The following MMS19 variants were observed in gnomAD, a reference collection of about 807,000 sequenced individuals.
The protein encoded by MMS19 is MMS19 nucleotide excision repair protein homolog.
MMS19 carries 77 observed loss-of-function variants against 129.8 expected under a neutral mutation model. The ratio of observed to expected loss-of-function variants is 0.59; its 90% CI spans 0.49 to 0.72. The LOEUF (loss-of-function observed/expected upper bound fraction) is 0.72, where lower values mean the gene tolerates loss of function less well. Ranked by LOEUF, MMS19 falls within the 30% of genes least tolerant of loss-of-function variation. MMS19 has a pLI of 0.00. For synonymous variants in MMS19, 491 were observed against 502.8 expected (o/e 0.98, Z 0.31); for missense variants, 1,168 against 1,266.3 (o/e 0.92, Z 1.18).
rs558496712 is a variant in MMS19 at position 97,479,196 on chromosome 10, C to T, written c.263-807G>A. Among the ~76,000 whole-genome samples, 10 of 152,264 alleles carry T rather than the reference C, an allele frequency of 6.6e-5. No individual in the cohort carries two copies. In the East Asian group the frequency reaches 1.9e-3, roughly 29 times the overall value. On this transcript the variant is annotated intron_variant, in intron 3 of 30. Transcript: ENST00000438925. ...CTACTTAAAACCACTTCATGTGTGT[C>T]GGTGTCGTTTTATCTAAACCAGCAT... is the stretch of plus-strand genomic sequence containing the variant.
intron 1 of MMS19, among the ~76,000 whole-genome samples, chr10:97,487,379 C>T (rs1255027678): frequency 3.4e-5 from 5 of 145,086 alleles, no homozygotes; most frequent in Admixed American, 7.0e-5. Context: ...AGTGCGGTGG[C>T]GCGATCTCGG....
At chr10:97,484,361 A>G (rs2037431227) in intron 1 of MMS19, among the ~76,000 whole-genome samples, 1 of 152,150 alleles carries the variant, frequency 6.6e-6, no homozygotes, top group African/African-American at 2.4e-5. Context: ...AAATAAATAT[A>G]TCATTTGTGA....
intron 3 of MMS19, among the ~76,000 whole-genome samples, 171 bp from the exon 4 acceptor site, chr10:97,478,560 A>G (rs2036182551): frequency 1.3e-5 from 2 of 152,232 alleles, no homozygotes; most frequent in Non-Finnish European, 2.9e-5. Flanking sequence ...ACACCTGATC[A>G]GTCGGGAAAA....
intron 24 of MMS19, 33 bp downstream of exon 24, chr10:97,460,874 T>C (rs1471745358): frequency 6.5e-7 from 1 of 1,548,868 alleles, no homozygotes; most frequent in South Asian, 1.2e-5. Context: ...TAATTGCCTC[T>C]CTGGCTAACC....
intron 18 of MMS19, among the ~76,000 whole-genome samples, chr10:97,464,414 A>G (rs2032888979): frequency 6.6e-6 from 1 of 152,226 alleles, no homozygotes; most frequent in Non-Finnish European, 1.5e-5. Flanking sequence ...TCTACTATGT[A>G]ACAGCTGCTG....
intron 8 of MMS19, among the ~76,000 whole-genome samples, chr10:97,472,270 G>A (rs374985273): frequency 6.6e-6 from 1 of 152,172 alleles, no homozygotes; most frequent in Non-Finnish European, 1.5e-5. Flanking sequence ...ATGGAGTTTT[G>A]CTCTTGTTAC....
rs543145774 is a variant in MMS19 at position 97,467,574 on chromosome 10, G to T, written c.1228C>A (p.Arg410=). ...AGGAGCATTTCAAGGATTGTCCGCC[G>T]CTGGCTGCTCTGTAACGTTTCAAGG... The part of the protein sequence containing the change: ...QFHKHSQSSQ[R]RTILEMLLGF... The change falls in exon 14 of 31, where the codon CGG becomes AGG. Residue 410 remains arginine, a synonymous_variant. Transcript: ENST00000438925. 6.2e-7 allele frequency: 1 copy of T among 1,613,764 alleles called. No individual in the cohort carries two copies. The highest frequency in any genetic ancestry group is 1.1e-5 in the South Asian group (1 of 91,074).
chr10:97,492,139 A>C, intron 1 of MMS19, among the ~76,000 whole-genome samples: 1 of 144,228 alleles, frequency 6.9e-6, no homozygotes, highest in African/African-American at 2.5e-5. Context: ...CTCAATCTAA[A>C]AAAAAAAAAA....
intron 12 of MMS19, 36 bp downstream of exon 12, chr10:97,468,930 G>C (rs1397286624): frequency 3.2e-6 from 5 of 1,565,826 alleles, no homozygotes; most frequent in Non-Finnish European, 4.3e-6. Flanking sequence ...TTTCTATTGT[G>C]CTCACTCCCC....
rs1382579558 is a variant in MMS19 at position 97,498,387 on chromosome 10, C to A, written c.-3G>T. Reference sequence around the variant, plus strand: ...TCCACAGCCGCGGCAGCGGCCATAACGCGAACTAGAGACCGTGGGAGGGGA... The same window carrying A: ...TCCACAGCCGCGGCAGCGGCCATAAAGCGAACTAGAGACCGTGGGAGGGGA... On this transcript the variant is annotated 5_prime_UTR_variant, in exon 1 of 31. Transcript: ENST00000438925. The A allele has an allele frequency of 2.5e-6, 4 of 1,580,562 alleles. No homozygotes were observed. Among genetic ancestry groups the A allele is most frequent in the Non-Finnish European group, 3.4e-6 (4 of 1,171,176 alleles).
chr10:97,481,372 G>A (rs1367072539), intron 2 of MMS19, among the ~76,000 whole-genome samples: 1 of 152,144 alleles, frequency 6.6e-6, no homozygotes, highest in Non-Finnish European at 1.5e-5. Flanking sequence ...TGGTATGATT[G>A]TGACATTCCT....
intron 8 of MMS19, among the ~76,000 whole-genome samples, chr10:97,471,801 G>A (rs1294263805): frequency 1.3e-5 from 2 of 152,082 alleles, no homozygotes; most frequent in East Asian, 1.9e-4. Flanking sequence ...GTAAGCCACC[G>A]AACCTGGCCT....
chr10:97,498,629 CCCGGCTCCCCGGGAGACG>C (rs2040250867), upstream of MMS19: 14 of 515,914 alleles, frequency 2.7e-5, no homozygotes, highest in East Asian at 5.0e-4. Context: ...TAATTCCCAG[CCCGGCTCCCCGGGAGACG>C]GGCTGCGGGG....
Position 97,468,236 on chromosome 10 carries a change from G to C in MMS19, c.1218+16C>G. 6.5e-7 allele frequency: 1 copy of C among 1,529,994 alleles called. No homozygotes were observed. Among genetic ancestry groups the C allele is most frequent in the Non-Finnish European group, 8.8e-7 (1 of 1,131,268 alleles). The allele number at this position is 1,529,994 out of a possible 1,614,324, so 94.8% of individuals were successfully genotyped here. ...CACAGGTCCCATCATTTCCCCCAAAGATTCTGCTCCCTTACCTGACTGTGC... is the reference window on the plus strand; with the variant it reads ...CACAGGTCCCATCATTTCCCCCAAACATTCTGCTCCCTTACCTGACTGTGC... On this transcript the variant is annotated intron_variant, in intron 13 of 30. Coordinates refer to ENST00000438925, the MANE Select transcript of MMS19 (RefSeq NM_022362.5).
At chr10:97,493,043 C>T (rs539939377) in intron 1 of MMS19, among the ~76,000 whole-genome samples, 2 of 152,036 alleles carry the variant, frequency 1.3e-5, no homozygotes, top group South Asian at 2.1e-4. Flanking sequence ...CAGAGTCTTG[C>T]TCTGTCACCC....
intron 18 of MMS19, among the ~76,000 whole-genome samples, chr10:97,465,068 G>A (rs1263539033): frequency 6.6e-6 from 1 of 151,740 alleles, no homozygotes; most frequent in Admixed American, 6.6e-5. Flanking sequence ...TGAGTGCAAT[G>A]GCATGATCTT....
In MMS19 at chr10:97,460,163, C is replaced by G. The variant is rs925731396; in HGVS notation, c.2539G>C (p.Asp847His). ...AADGFSLLMS[D>H]CTDVLTRAGH... is the part of the protein sequence containing the mutation. ...GCACGAGTCAGCACATCAGTGCAGTCAGACATGAGCAGAGAGAAGCCATCA... is the reference window on the plus strand; with the variant it reads ...GCACGAGTCAGCACATCAGTGCAGTGAGACATGAGCAGAGAGAAGCCATCA... Residue 847 changes from aspartate (D) to histidine (H), a missense_variant, in exon 26 of 31, where the codon GAC becomes CAC. Coordinates refer to ENST00000438925, the MANE Select transcript of MMS19 (RefSeq NM_022362.5). The G allele has an allele frequency of 3.1e-6, 5 of 1,613,874 alleles. No individual in the cohort carries two copies. Among genetic ancestry groups the G allele is most frequent in the Non-Finnish European group, 4.2e-6 (5 of 1,179,892 alleles).
intron 2 of MMS19, among the ~76,000 whole-genome samples, chr10:97,483,554 A>G (rs896164953): frequency 6.6e-6 from 1 of 152,234 alleles, no homozygotes; most frequent in African/African-American, 2.4e-5. Flanking sequence ...AATGGTCTAT[A>G]CCAATTATGA....
At chr10:97,463,322 C>T (rs2032576255) in intron 19 of MMS19, among the ~76,000 whole-genome samples, 1 of 152,156 alleles carries the variant, frequency 6.6e-6, no homozygotes, top group African/African-American at 2.4e-5. Context: ...TAGGTGTGCA[C>T]CACTATGTCT....
Sources: allele counts gnomAD v4.1 joint callset (sites outside exome capture counted in the v4.1 genomes callset), GRCh38; gene constraint gnomAD v4.1.1; transcripts MANE v1.5; gene names NCBI Gene and HGNC (gene_info 2026-07-23, HGNC 2026-07-21).